SPRY3: variants seen among roughly 807,000 people sequenced by gnomAD.
The protein encoded by SPRY3 is sprouty RTK signaling antagonist 3, also known as protein sprouty homolog 3.
SPRY3 carries 15 observed loss-of-function variants against 20.2 expected under a neutral mutation model. That is an observed-to-expected ratio of 0.74 (90% CI 0.50 to 1.14). The LOEUF is 1.14. Ranked by LOEUF, SPRY3 falls within the 50% of genes most tolerant of loss-of-function variation. SPRY3 has a pLI of 0.00. For missense variants in SPRY3, 364 were observed against 363.9 expected, an observed-to-expected ratio of 1.00 and a Z score of 0.00; for synonymous variants, 143 against 136.5, an observed-to-expected ratio of 1.05 and a Z score of -0.33.
intron 2 of SPRY3, among the ~76,000 whole-genome samples, chrX:155,751,477 A>G (rs1018068641): frequency 6.6e-6 from 1 of 151,892 alleles, no homozygotes; most frequent in African/African-American, 2.4e-5. Context: ...TACCTTCTGC[A>G]TGGCTTCAAT....
chrX:155,692,172 ATGGGTACAGC>A (rs1432693499), intron 2 of SPRY3, among the ~76,000 whole-genome samples: 1 of 109,257 alleles, frequency 9.2e-6, no homozygotes, highest in African/African-American at 3.5e-5. Context: ...GGAATAGTAA[ATGGGTACAGC>A]TTTATATTTT....
At chrX:155,721,860 C>T (rs1197407322) in intron 2 of SPRY3, among the ~76,000 whole-genome samples, 1 of 151,990 alleles carries the variant, frequency 6.6e-6, no homozygotes, top group Non-Finnish European at 1.5e-5. Flanking sequence ...TAAGTAATCA[C>T]CTGAAGGTAC....
intron 2 of SPRY3, among the ~76,000 whole-genome samples, chrX:155,679,558 G>A (rs979974184): frequency 3.6e-5 from 4 of 111,500 alleles, no homozygotes; most frequent in Admixed American, 9.5e-5. Flanking sequence ...ACCTCCTAAA[G>A]GTCTCACCTC....
intron 3 of SPRY3, among the ~76,000 whole-genome samples, chrX:155,770,628 T>TTCTCTCTC (rs371698358): frequency 9.1e-4 from 134 of 146,536 alleles, no homozygotes; most frequent in African/African-American, 2.8e-3. Flanking sequence ...GATGTGTACA[T>TTCTCTCTC]TCTCTCTCTC....
chrX:155,717,649 A>T (rs2091031908), intron 2 of SPRY3, among the ~76,000 whole-genome samples: 1 of 151,672 alleles, frequency 6.6e-6, no homozygotes, highest in Non-Finnish European at 1.5e-5. Flanking sequence ...GAGTGAGAAC[A>T]TGTGGTGTTT....
intron 2 of SPRY3, among the ~76,000 whole-genome samples, chrX:155,712,476 T>G (rs1419149766): frequency 6.6e-6 from 1 of 152,038 alleles, no homozygotes; most frequent in Non-Finnish European, 1.5e-5. Flanking sequence ...TTGTGAGGTC[T>G]ACTTTGTCTG....
intron 2 of SPRY3, among the ~76,000 whole-genome samples, chrX:155,720,106 C>A (rs1212469197): frequency 6.6e-6 from 1 of 151,990 alleles, no homozygotes; most frequent in Non-Finnish European, 1.5e-5. Flanking sequence ...GCATTTACTA[C>A]AAGCTGACAG....
At chrX:155,612,678 C>T (rs890572590) in intron 1 of SPRY3, 31 bp downstream of exon 1, 1 of 112,659 alleles carries the variant, frequency 8.9e-6, no homozygotes, top group African/African-American at 3.2e-5. Flanking sequence ...GCCCAGCAGC[C>T]CGGGTGAGAG....
intron 2 of SPRY3, among the ~76,000 whole-genome samples, chrX:155,741,537 C>T (rs1324466285): frequency 6.6e-6 from 1 of 151,996 alleles, no homozygotes; most frequent in African/African-American, 2.4e-5. Flanking sequence ...GATCAAACCC[C>T]AAGACACATA....
intron 2 of SPRY3, among the ~76,000 whole-genome samples, chrX:155,725,850 C>T (rs1482630640): frequency 3.2e-4 from 48 of 151,978 alleles, no homozygotes; most frequent in Admixed American, 3.1e-3. Context: ...TTATTTCTTG[C>T]CTTCTGCTAG....
At chrX:155,749,134 A>T (rs1233959175) in intron 2 of SPRY3, among the ~76,000 whole-genome samples, 1 of 151,934 alleles carries the variant, frequency 6.6e-6, no homozygotes, top group African/African-American at 2.4e-5. Flanking sequence ...GCTTTTACAA[A>T]AAAGGAAGTA....
intron 2 of SPRY3, among the ~76,000 whole-genome samples, chrX:155,666,072 GT>G (rs1221620370): frequency 7.2e-5 from 8 of 110,708 alleles, no homozygotes; most frequent in Non-Finnish European, 1.3e-4. Flanking sequence ...CCATCTGAAG[GT>G]TGGTGGGGTA....
At chrX:155,654,777 C>T (rs962096775) in intron 1 of SPRY3, among the ~76,000 whole-genome samples, 2 of 107,728 alleles carry the variant, frequency 1.9e-5, no homozygotes, top group Admixed American at 1.0e-4. Flanking sequence ...TTTATGCACA[C>T]TTAGGTTGAT....
intron 1 of SPRY3, among the ~76,000 whole-genome samples, chrX:155,652,907 G>A (rs1603122410): frequency 9.0e-6 from 1 of 111,649 alleles, no homozygotes; most frequent in African/African-American, 3.2e-5. Context: ...GTTATTATTA[G>A]CATCCTAATG....
At chrX:155,782,307 A>G (rs2091467701) in exon 2 of SPRY3, 1 of 167,078 alleles carries the variant, frequency 6.0e-6, no homozygotes, top group African/African-American at 2.4e-5. Flanking sequence ...CATTTCTTGA[A>G]CTCCAGCGCC....
chrX:155,723,607 T>A (rs2091077305), intron 2 of SPRY3, among the ~76,000 whole-genome samples: 1 of 152,230 alleles, frequency 6.6e-6, no homozygotes. Context: ...GTTCATATCC[T>A]TTGCCCACTT....
chrX:155,756,990 T>C (rs2091285865), intron 2 of SPRY3, among the ~76,000 whole-genome samples: 1 of 152,174 alleles, frequency 6.6e-6, no homozygotes, highest in Non-Finnish European at 1.5e-5. Context: ...CTAATTGTTT[T>C]CCTGCTTCCA....
chrX:155,721,184 T>C (rs2091054777), intron 2 of SPRY3, among the ~76,000 whole-genome samples: 2 of 152,072 alleles, frequency 1.3e-5, no homozygotes, highest in Admixed American at 1.3e-4. Context: ...CATAACAGAA[T>C]TGATCAGGCA....
At chrX:155,704,012 G>A (rs778439850) in intron 2 of SPRY3, among the ~76,000 whole-genome samples, 6 of 151,824 alleles carry the variant, frequency 4.0e-5, no homozygotes, top group African/African-American at 1.2e-4. Flanking sequence ...CGCACTAAAG[G>A]CCTACTAGAA....
Sources: gnomAD v4.1 joint callset for allele counts (sites outside exome capture counted in the v4.1 genomes callset) on GRCh38, gnomAD v4.1.1 for gene constraint, MANE v1.5 for transcripts, NCBI Gene and HGNC (gene_info 2026-07-23, HGNC 2026-07-21) for gene names.